Variants in GRXCR2 observed in about 807,000 individuals in gnomAD.
GRXCR2 encodes glutaredoxin and cysteine rich domain containing 2.
A neutral mutation model predicts 24.8 loss-of-function variants in GRXCR2; 23 were observed. The ratio of observed to expected loss-of-function variants is 0.93; its 90% confidence interval spans 0.67 to 1.32. The LOEUF (loss-of-function observed/expected upper bound fraction) is 1.32, where lower values mean the gene tolerates loss of function less well. Ranked by LOEUF, GRXCR2 falls within the 40% of genes most tolerant of loss-of-function variation. The probability of loss-of-function intolerance (pLI) is 0.00; values close to 1 mark genes in which losing one functional copy is unlikely to be tolerated. For synonymous variants in GRXCR2, 130 were observed against 116.1 expected, an observed-to-expected ratio of 1.12 and a Z score of -0.77; for missense variants, 315 against 303.4, an observed-to-expected ratio of 1.04 and a Z score of -0.28.
chr5:145,917,756 A>T lies in GRXCR2; in HGVS notation c.-70+17945T>A, dbSNP rs186639678. Among the ~76,000 whole-genome samples the T allele has an allele frequency of 2.0e-5, 3 of 152,236 alleles. No homozygotes were observed. In the East Asian group the frequency reaches 5.8e-4, roughly 29 times the overall value. ...TAACCCAAATACCTCCCCACCACTCACCTGTCTCCATGGCTGAACTCTGTT... is the reference window on the plus strand; with the variant it reads ...TAACCCAAATACCTCCCCACCACTCTCCTGTCTCCATGGCTGAACTCTGTT... On this transcript the variant is annotated intron_variant, in intron 2 of 3. Coordinates refer to the GRXCR2 transcript ENST00000639411.
intron 2 of GRXCR2, among the ~76,000 whole-genome samples, chr5:145,908,607 T>C (rs1757121465): frequency 6.6e-6 from 1 of 152,242 alleles, no homozygotes; most frequent in African/African-American, 2.4e-5. Context: ...CTGGATCTAC[T>C]GAAGCAAATT....
intron 2 of GRXCR2, among the ~76,000 whole-genome samples, chr5:145,915,955 G>T (rs1327678612): frequency 3.3e-5 from 5 of 152,122 alleles, no homozygotes; most frequent in African/African-American, 1.2e-4. Flanking sequence ...ATGCACAACT[G>T]GTCAACAATG....
intron 2 of GRXCR2, among the ~76,000 whole-genome samples, chr5:145,919,750 AGG>A (rs1491504162): frequency 6.6e-6 from 1 of 152,036 alleles, no homozygotes; most frequent in Admixed American, 6.5e-5. Flanking sequence ...TGATTTCCTC[AGG>A]GGGAAGATCC....
At chr5:145,865,373 G>A (rs956283607) in intron 2 of GRXCR2, among the ~76,000 whole-genome samples, 15 of 152,188 alleles carry the variant, frequency 9.9e-5, no homozygotes, top group African/African-American at 3.6e-4. Context: ...TCCTCCCCCT[G>A]GTCTGAGCAT....
intron 2 of GRXCR2, among the ~76,000 whole-genome samples, chr5:145,911,172 C>T (rs1757160787): frequency 6.6e-6 from 1 of 152,196 alleles, no homozygotes; most frequent in Non-Finnish European, 1.5e-5. Flanking sequence ...TTAATGAACA[C>T]ATCTATCAGC....
upstream of GRXCR2, among the ~76,000 whole-genome samples, chr5:145,875,914 A>C (rs1335783153): frequency 6.6e-6 from 1 of 152,108 alleles, no homozygotes; most frequent in East Asian, 1.9e-4. Flanking sequence ...CTGTAATCCC[A>C]GCTACTCAGG....
At chr5:145,923,711 T>C (rs1042982787) in intron 2 of GRXCR2, among the ~76,000 whole-genome samples, 1 of 152,190 alleles carries the variant, frequency 6.6e-6, no homozygotes, top group Non-Finnish European at 1.5e-5. Flanking sequence ...CCTTACAAAA[T>C]CCTTCTATAA....
At chr5:145,903,508 AAAG>A (rs1426771478) in intron 2 of GRXCR2, among the ~76,000 whole-genome samples, 14 of 140,058 alleles carry the variant, frequency 1.0e-4, no homozygotes, top group Non-Finnish European at 2.0e-4. Flanking sequence ...AGCGCTGTGG[AAAG>A]AAGATTTGAT....
chr5:145,925,449 G>C (rs1251015186), intron 2 of GRXCR2, among the ~76,000 whole-genome samples: 2 of 152,154 alleles, frequency 1.3e-5, no homozygotes, highest in Non-Finnish European at 1.5e-5. Context: ...ATGGGGCCTA[G>C]AGCTTTTGAA....
chr5:145,884,297 A>G (rs1033191278), intron 2 of GRXCR2, among the ~76,000 whole-genome samples: 5 of 152,166 alleles, frequency 3.3e-5, no homozygotes, highest in African/African-American at 1.2e-4. Flanking sequence ...CAATATATCA[A>G]CGAAAAAATG....
chr5:145,898,491 T>A (rs1311880739), intron 2 of GRXCR2, among the ~76,000 whole-genome samples: 1 of 151,860 alleles, frequency 6.6e-6, no homozygotes, highest in Non-Finnish European at 1.5e-5. Context: ...AAAATAAAAC[T>A]ATAGGCCAAT....
chr5:145,885,085 ATG>A (rs1316523646), intron 2 of GRXCR2, among the ~76,000 whole-genome samples: 1 of 134,492 alleles, frequency 7.4e-6, no homozygotes, highest in Non-Finnish European at 1.5e-5. Flanking sequence ...ATCATGCAGC[ATG>A]TGTGTGTGTC....
chr5:145,905,841 GAATA>G (rs760803478), intron 2 of GRXCR2, among the ~76,000 whole-genome samples: 9 of 152,118 alleles, frequency 5.9e-5, no homozygotes, highest in Non-Finnish European at 8.8e-5. Context: ...ATAGATGTAT[GAATA>G]AATAAATAAA....
At chr5:145,866,246 A>G (rs1014376561) in intron 2 of GRXCR2, among the ~76,000 whole-genome samples, 1 of 152,200 alleles carries the variant, frequency 6.6e-6, no homozygotes, top group African/African-American at 2.4e-5. Context: ...AACAATAAAT[A>G]TTTAATCAGA....
intron 1 of GRXCR2, among the ~76,000 whole-genome samples, chr5:145,868,167 C>CA (rs1261139237): frequency 6.6e-6 from 1 of 152,056 alleles, no homozygotes; most frequent in Non-Finnish European, 1.5e-5. Flanking sequence ...ACAATCTGCA[C>CA]AATATGCAGA....
At chr5:145,902,288 A>T (rs1488259462) in intron 2 of GRXCR2, among the ~76,000 whole-genome samples, 2 of 152,032 alleles carry the variant, frequency 1.3e-5, no homozygotes, top group Non-Finnish European at 2.9e-5. Context: ...TTTTTTGTAG[A>T]TACAGTGTCT....
At chr5:145,894,153 T>C (rs1457396183) in intron 2 of GRXCR2, among the ~76,000 whole-genome samples, 2 of 152,136 alleles carry the variant, frequency 1.3e-5, no homozygotes, top group African/African-American at 2.4e-5. Flanking sequence ...GGGAAATTTA[T>C]AGCACTCAAT....
chr5:145,880,250 T>G (rs1434080036), intron 2 of GRXCR2, among the ~76,000 whole-genome samples: 1 of 151,884 alleles, frequency 6.6e-6, no homozygotes, highest in Non-Finnish European at 1.5e-5. Context: ...AATCAATGAA[T>G]CCAGGAGCTG....
Position 145,866,612 on chromosome 5 carries a change from C to T in GRXCR2, c.453G>A (p.Glu151=), listed in dbSNP as rs775921491. The T allele has an allele frequency of 1.2e-6, 2 of 1,613,978 alleles. No homozygotes were observed. The highest frequency in any genetic ancestry group is 1.7e-6 in the Non-Finnish European group (2 of 1,179,952). Residue 151 remains glutamate, a synonymous_variant, in exon 2 of 3, where the codon GAG becomes GAA. Coordinates refer to ENST00000377976, the MANE Select transcript of GRXCR2 (RefSeq NM_001080516.2). The part of the protein sequence containing the change: ...FVRKILQKEE[E]AEEESLMNKE... ...TGTTCATCAGAGACTCTTCCTCAGC[C>T]TCCTCTTCCTTCTGGAGAATTTTCC...
Sources: gnomAD v4.1 joint callset for allele counts (sites outside exome capture counted in the v4.1 genomes callset) on GRCh38, gnomAD v4.1.1 for gene constraint, MANE v1.5 for transcripts, NCBI Gene and HGNC (gene_info 2026-07-23, HGNC 2026-07-21) for gene names.